Variants in CHGB observed in about 807,000 individuals in gnomAD.
CHGB encodes the protein secretogranin-1.
A neutral mutation model predicts 69.9 loss-of-function variants in CHGB; 46 were observed. That is an observed-to-expected ratio of 0.66 (90% CI 0.52 to 0.84). CHGB has a LOEUF of 0.84. CHGB is among the 40% of genes least tolerant of loss of function. CHGB has a pLI of 0.00. For missense variants in CHGB, 796 were observed against 822.2 expected, an observed-to-expected ratio of 0.97 and a Z score of 0.39; for synonymous variants, 312 against 298.2, an observed-to-expected ratio of 1.05 and a Z score of -0.48.
At chr20:5,918,814 A>AG (rs1300812688) in intron 3 of CHGB, among the ~76,000 whole-genome samples, 1 of 34,518 alleles carries the variant, frequency 2.9e-5, no homozygotes, top group Non-Finnish European at 5.9e-5. Context: ...TCTGTCTAAA[A>AG]AAAAAAAAAA....
At chr20:5,924,186 GA>G in intron 4 of CHGB, 86 bp downstream of exon 4, 1 of 1,446,460 alleles carries the variant, frequency 6.9e-7, no homozygotes, top group South Asian at 1.5e-5. Flanking sequence ...TTCACGGGGA[GA>G]AATTGGTGGG....
rs560272361 is a variant in CHGB at position 5,922,794 on chromosome 20, C to A, written c.650C>A (p.Ser217Ter). The change falls in exon 4 of 5, where the codon TCG becomes TAG. Residue 217 changes from serine (S) to a stop codon, truncating the protein, a stop_gained. Coordinates refer to ENST00000378961, the MANE Select transcript of CHGB (RefSeq NM_001819.3). LOFTEE classifies it high-confidence loss of function. ...AIKKEELVAR[S>*]ETHAAGHSQE... ...AAAAAAGAGGAGTTAGTGGCCAGAT[C>A]GGAAACACATGCTGCCGGGCATTCT... The A allele has an allele frequency of 6.2e-7, 1 of 1,614,048 alleles. No homozygotes were observed. The highest frequency in any genetic ancestry group is 1.6e-4 in the Middle Eastern group (1 of 6,062).
In CHGB at chr20:5,922,903, T is replaced by C. The variant is rs780517070; in HGVS notation, c.759T>C (p.Ser253=). The C allele has an allele frequency of 1.2e-6, 2 of 1,613,330 alleles. No homozygotes were observed. Among genetic ancestry groups the C allele is most frequent in the Non-Finnish European group, 1.7e-6 (2 of 1,179,776 alleles). Residue 253 remains serine (S), a synonymous_variant, in exon 4 of 5, where the codon TCT becomes TCC. Coordinates refer to ENST00000378961, the MANE Select transcript of CHGB (RefSeq NM_001819.3). The stretch of plus-strand genomic sequence containing the variant: ...GCCAGGAGAATCACCCCCAGGAGTC[T>C]AAAGGCCAACCCCGAAGCCAGGAAG... ...TGSQENHPQE[S]KGQPRSQEES... is the part of the protein sequence containing the mutation.
At chr20:5,911,737 C>G (rs1265464940) in intron 1 of CHGB, 55 bp downstream of exon 1, 1 of 1,345,250 alleles carries the variant, frequency 7.4e-7, no homozygotes, top group Non-Finnish European at 9.6e-7. Context: ...CCTCGCTCTT[C>G]CCCGCCGCTC....
chr20:5,921,326 G>C (rs1209849897), intron 3 of CHGB, among the ~76,000 whole-genome samples: 1 of 152,106 alleles, frequency 6.6e-6, no homozygotes, highest in Non-Finnish European at 1.5e-5. Context: ...AACAGCACTT[G>C]GGCTTATGGT....
chr20:5,923,153 G>A lies in CHGB; in HGVS notation c.1009G>A (p.Glu337Lys). Residue 337 changes from glutamate (E) to lysine (K), a missense_variant, in exon 4 of 5, where the codon GAA becomes AAA. Coordinates refer to ENST00000378961, the MANE Select transcript of CHGB (RefSeq NM_001819.3). ...TTCAACCCACTACAGGGCTTCAGAG[G>A]AAGAACCTGAATATGGAGAAGAAAT... ...HHSTHYRASE[E>K]EPEYGEEIKG... is the part of the protein sequence containing the mutation. 1.2e-6 allele frequency: 2 copies of A among 1,614,154 alleles called. No homozygotes were observed. Among genetic ancestry groups the A allele is most frequent in the Non-Finnish European group, 1.7e-6 (2 of 1,180,034 alleles).
chr20:5,911,826 C>A, intron 1 of CHGB, 144 bp downstream of exon 1: 1 of 821,550 alleles, frequency 1.2e-6, no homozygotes, highest in Non-Finnish European at 1.7e-6. Context: ...TCTTCTCCTC[C>A]CTGGGTGTTT....
At chr20:5,918,761 G>A (rs796816324) in intron 3 of CHGB, among the ~76,000 whole-genome samples, 6 of 125,978 alleles carry the variant, frequency 4.8e-5, no homozygotes, top group Admixed American at 4.1e-4. Context: ...GCAGTAAGCC[G>A]AGATTGCCCC....
At chr20:5,918,174 C>G (rs770949620) in intron 3 of CHGB, among the ~76,000 whole-genome samples, 1 of 86,718 alleles carries the variant, frequency 1.2e-5, no homozygotes, top group East Asian at 3.6e-4. Flanking sequence ...AAAAAAAACT[C>G]TCATTGCCAC....
At position 5,923,980 on chromosome 20, in the gene CHGB, C is replaced by T. The variant is rs1600215392; in HGVS notation, c.1836C>T (p.His612=). ...TGGCCCAACTGGACCAGCTCCTTCACTACAGGAAGAAGTCAGCTGAGTTTC... is the reference window on the plus strand; with the variant it reads ...TGGCCCAACTGGACCAGCTCCTTCATTACAGGAAGAAGTCAGCTGAGTTTC... ...DRVAQLDQLL[H]YRKKSAEFPD... is the part of the protein sequence containing the mutation. Residue 612 remains histidine, a synonymous_variant, in exon 4 of 5, where the codon CAC becomes CAT. Transcript: ENST00000378961. 4 of 1,614,048 alleles carry T rather than the reference C, an allele frequency of 2.5e-6. No homozygotes were observed. Among genetic ancestry groups the T allele is most frequent in the Non-Finnish European group, 3.4e-6 (4 of 1,179,980 alleles).
In CHGB at chr20:5,925,257, T is replaced by C. The variant is rs2088543386; in HGVS notation, c.*208T>C. The stretch of plus-strand genomic sequence containing the variant: ...GCATGACTTGTAGCATATTCTTTTC[T>C]GCAAAATAGACATATTAACATGCTT... On this transcript the variant is annotated 3_prime_UTR_variant, in exon 5 of 5. Coordinates refer to ENST00000378961, the MANE Select transcript of CHGB (RefSeq NM_001819.3). 1.7e-5 allele frequency: 7 copies of C among 423,004 alleles called. 1 individual carries two copies. The South Asian group carries it at 2.3e-4, about 14-fold the overall frequency. 26.2% of individuals were successfully genotyped at this position (423,004 alleles called of 1,614,324 possible). A position where few individuals can be genotyped will look rare whatever the true frequency, so the allele number is the denominator to read the frequency against.
At chr20:5,918,033 A>G (rs1450704285) in intron 3 of CHGB, 1 of 149,940 alleles carries the variant, frequency 6.7e-6, no homozygotes, top group Non-Finnish European at 1.5e-5. Flanking sequence ...CTGTAATCCC[A>G]CTACTCAGGA....
Position 5,924,974 on chromosome 20 carries a change from A to G in CHGB, c.1959A>G (p.Lys653=). Residue 653 remains lysine (K), a splice_region_variant and synonymous_variant, in exon 5 of 5, where the codon AAA becomes AAG. Coordinates refer to ENST00000378961, the MANE Select transcript of CHGB (RefSeq NM_001819.3). ...CTCCACTTTTCTGTATTTTCCAGAA[A>G]AAAGAACTCGAAAACTTGGCTGCAA... The part of the protein sequence containing the change: ...ADQTVLTEDE[K]KELENLAAMD... 6.2e-7 allele frequency: 1 copy of G among 1,610,474 alleles called. No individual in the cohort carries two copies. The highest frequency in any genetic ancestry group is 8.5e-7 in the Non-Finnish European group (1 of 1,177,020).
intron 1 of CHGB, among the ~76,000 whole-genome samples, chr20:5,913,750 C>T (rs1183711435): frequency 6.6e-6 from 1 of 151,274 alleles, no homozygotes; most frequent in African/African-American, 2.4e-5. Context: ...TTGCTTCAGC[C>T]TCCCGAGTAG....
rs1243557656 is a variant in CHGB, at chr20:5,924,009, A to C, written c.1865A>C (p.Asp622Ala). The stretch of plus-strand genomic sequence containing the variant: ...AGGAAGAAGTCAGCTGAGTTTCCAG[A>C]CTTCTATGATTCTGAGGAGCCGGTG... ...HYRKKSAEFP[D>A]FYDSEEPVST... The change falls in exon 4 of 5, where the codon GAC (aspartate) becomes GCC (alanine). Residue 622 changes from aspartate to alanine, a missense_variant. Asp to Ala is a moderately radical substitution (Grantham distance 126). Transcript: ENST00000378961. 6.2e-7 allele frequency: 1 copy of C among 1,613,926 alleles called. No homozygotes were observed. Among genetic ancestry groups the C allele is most frequent in the Non-Finnish European group, 8.5e-7 (1 of 1,179,902 alleles).
intron 4 of CHGB, 97 bp downstream of exon 4, chr20:5,924,197 GA>G: frequency 6.9e-7 from 1 of 1,438,874 alleles, no homozygotes; most frequent in Non-Finnish European, 9.2e-7. Context: ...AAATTGGTGG[GA>G]ATTAATCACT....
At chr20:5,914,291 A>G (rs1465243812) in intron 1 of CHGB, among the ~76,000 whole-genome samples, 4 of 152,176 alleles carry the variant, frequency 2.6e-5, no homozygotes, top group Admixed American at 1.3e-4. Context: ...TGTCTCACCA[A>G]GATGTATAAT....
chr20:5,919,850 G>T (rs1347314401), intron 3 of CHGB, among the ~76,000 whole-genome samples: 2 of 152,132 alleles, frequency 1.3e-5, no homozygotes, highest in African/African-American at 4.8e-5. Flanking sequence ...ACTCCTACTT[G>T]CATGTCTCAG....
In CHGB at chr20:5,923,722, C is replaced by T. The variant is rs138422072; in HGVS notation, c.1578C>T (p.Tyr526=). 1,415 of 1,614,044 alleles carry T rather than the reference C, an allele frequency of 8.8e-4. 4 individuals are homozygous for T. The highest frequency in any genetic ancestry group is 1.1e-3 in the Non-Finnish European group (1,265 of 1,180,042). ...KRLGELFNPY[Y]DPLQWKSSHF... is the part of the protein sequence containing the mutation. ...TAGGGGAACTGTTCAACCCATACTA[C>T]GACCCTCTCCAGTGGAAGAGCAGCC... The change falls in exon 4 of 5, where the codon TAC becomes TAT. Residue 526 remains tyrosine (Y), a synonymous_variant. Transcript: ENST00000378961.
Sources: allele counts gnomAD v4.1 joint callset (sites outside exome capture counted in the v4.1 genomes callset), GRCh38; gene constraint gnomAD v4.1.1; transcripts MANE v1.5; gene names NCBI Gene and HGNC (gene_info 2026-07-23, HGNC 2026-07-21).